The following CHD9 variants were observed in gnomAD, a reference collection of about 807,000 sequenced individuals.
CHD9 encodes the protein ATP-dependent chromatin remodeler CHD9.
A neutral mutation model predicts 316.1 loss-of-function variants in CHD9; 77 were observed. The observed-to-expected ratio is 0.24, with a 90% CI of 0.20 to 0.29. The LOEUF (loss-of-function observed/expected upper bound fraction) is 0.29, where lower values mean the gene tolerates loss of function less well. CHD9 is among the 10% of genes least tolerant of loss of function. CHD9 has a pLI of 1.00. For synonymous variants in CHD9, 1,129 were observed against 1,158.3 expected (o/e 0.97, Z 0.51); for missense variants, 2,763 against 3,438.1 (o/e 0.80, Z 4.91).
intron 30 of CHD9, chr16:53,299,151 G>A (rs1234350691): frequency 2.9e-5 from 5 of 171,992 alleles, no homozygotes; most frequent in South Asian, 1.5e-4. Context: ...GCAGGTATTG[G>A]TATGGCCAAT....
intron 2 of CHD9, among the ~76,000 whole-genome samples, chr16:53,164,627 T>A (rs1005036806): frequency 3.6e-5 from 5 of 137,262 alleles, no homozygotes; most frequent in Non-Finnish European, 8.3e-5. Flanking sequence ...AGTGTTCTGT[T>A]TTTTGTTTTT....
chr16:53,150,681 C>T (rs1396673471), intron 1 of CHD9, among the ~76,000 whole-genome samples: 3 of 152,286 alleles, frequency 2.0e-5, no homozygotes, highest in East Asian at 3.9e-4. Flanking sequence ...ATAACAAACT[C>T]CTTTAGCTTT....
chr16:53,208,555 T>TC (rs2046069789), intron 2 of CHD9: 2 of 1,031,990 alleles, frequency 1.9e-6, no homozygotes, highest in Non-Finnish European at 2.3e-6. Flanking sequence ...TTCTAAACCC[T>TC]CCTTCCTTTC....
At chr16:53,287,722 C>T (rs1345246108) in intron 26 of CHD9, among the ~76,000 whole-genome samples, 2 of 151,946 alleles carry the variant, frequency 1.3e-5, no homozygotes, top group Admixed American at 6.6e-5. Context: ...AGTGAAACTC[C>T]GTCTCAAAAA....
intron 1 of CHD9, among the ~76,000 whole-genome samples, chr16:53,136,066 A>G (rs898384069): frequency 6.6e-6 from 1 of 152,122 alleles, no homozygotes; most frequent in Non-Finnish European, 1.5e-5. Context: ...GAGGCTTCTC[A>G]TTTAATGGTG....
chr16:53,241,923 T>C (rs890851898), intron 12 of CHD9, among the ~76,000 whole-genome samples: 4 of 152,216 alleles, frequency 2.6e-5, no homozygotes, highest in African/African-American at 9.6e-5. Flanking sequence ...AGAGCCAAAA[T>C]CTGTTATCAC....
At position 53,226,529 on chromosome 16, in the gene CHD9, T is replaced by C. The variant is rs762907533; in HGVS notation, c.2043+17T>C. The C allele has an allele frequency of 1.9e-6, 3 of 1,586,510 alleles. No individual in the cohort carries two copies. The highest frequency in any genetic ancestry group is 2.6e-6 in the Non-Finnish European group (3 of 1,173,192). ...TTGTTTGTGGTAAGCATATTTGGGA[T>C]TATGACTGCAAAACATTTTAAACCG... On this transcript the variant is annotated intron_variant, in intron 5 of 38. Coordinates refer to ENST00000447540, the MANE Select transcript of CHD9 (RefSeq NM_001308319.2).
At chr16:53,269,416 A>T (rs1027086241) in intron 22 of CHD9, among the ~76,000 whole-genome samples, 7 of 152,216 alleles carry the variant, frequency 4.6e-5, no homozygotes, top group African/African-American at 1.7e-4. Flanking sequence ...CCCTGAGCTC[A>T]TGAACCTTAC....
At chr16:53,171,863 C>G (rs1386037739) in intron 2 of CHD9, among the ~76,000 whole-genome samples, 30 of 29,192 alleles carry the variant, frequency 1.0e-3, no homozygotes, top group African/African-American at 5.1e-3. Flanking sequence ...CACACACAGA[C>G]ACACACACAC....
intron 2 of CHD9, chr16:53,208,335 G>A (rs1227963111): frequency 8.6e-6 from 11 of 1,281,082 alleles, no homozygotes; most frequent in Non-Finnish European, 1.1e-5. Flanking sequence ...CAGTGAAGAG[G>A]CCAAGAGGAA....
rs138068405 is a variant in CHD9 at position 53,289,958 on chromosome 16, G to A, written c.5248-1767G>A. Reference sequence around the variant, plus strand: ...AAGAGGGAGGTTACTGGGAAAAGCTGCTGACCAAGAGTGCTAAAGAAACTG... The same window carrying A: ...AAGAGGGAGGTTACTGGGAAAAGCTACTGACCAAGAGTGCTAAAGAAACTG... On this transcript the variant is annotated intron_variant, in intron 27 of 38. Coordinates refer to ENST00000447540, the MANE Select transcript of CHD9 (RefSeq NM_001308319.2). 2.4e-4 allele frequency among the ~76,000 whole-genome samples: 37 copies of A among 152,312 alleles called. 2 individuals are homozygous for A. Among genetic ancestry groups the A allele is most frequent in the African/African-American group, 8.9e-4 (37 of 41,572 alleles).
chr16:53,316,398 ATACTC>A (rs1323498026), intron 36 of CHD9, among the ~76,000 whole-genome samples: 1 of 152,188 alleles, frequency 6.6e-6, no homozygotes, highest in African/African-American at 2.4e-5. Context: ...CCTCATACCT[ATACTC>A]TAGACTCTGA....
At chr16:53,234,526 T>C (rs1370661460) in intron 10 of CHD9, among the ~76,000 whole-genome samples, 2 of 150,602 alleles carry the variant, frequency 1.3e-5, no homozygotes, top group Non-Finnish European at 3.0e-5. Context: ...TGATGAGTTT[T>C]AATTAGGAGT....
chr16:53,123,082 C>G (rs951393229), intron 1 of CHD9, among the ~76,000 whole-genome samples: 2 of 151,262 alleles, frequency 1.3e-5, no homozygotes, highest in African/African-American at 2.4e-5. Flanking sequence ...AAGCTGGTCT[C>G]GAACTCACAC....
At position 53,324,982 on chromosome 16, in the gene CHD9, A is replaced by G; in HGVS notation, c.*87A>G. Reference sequence around the variant, plus strand: ...TAAATACCCCAGTGTTGAGTGCATCAATAACTTACTGACCGAACATTTCAG... The same window carrying G: ...TAAATACCCCAGTGTTGAGTGCATCGATAACTTACTGACCGAACATTTCAG... On this transcript the variant is annotated 3_prime_UTR_variant, in exon 39 of 39. Transcript: ENST00000447540. 2 of 1,115,450 alleles carry G rather than the reference A, an allele frequency of 1.8e-6. No homozygotes were observed. The highest frequency in any genetic ancestry group is 2.5e-6 in the Non-Finnish European group (2 of 801,786). The allele number at this position is 1,115,450 out of a possible 1,614,324, so 69.1% of individuals were successfully genotyped here.
chr16:53,210,989 AG>A (rs2046290900), intron 3 of CHD9, among the ~76,000 whole-genome samples: 1 of 152,102 alleles, frequency 6.6e-6, no homozygotes, highest in African/African-American at 2.4e-5. Flanking sequence ...TAGGTATGAA[AG>A]TAACTTATTT....
At chr16:53,101,889 C>T (rs187929912) in intron 1 of CHD9, among the ~76,000 whole-genome samples, 47 of 152,206 alleles carry the variant, frequency 3.1e-4, no homozygotes, top group Admixed American at 9.2e-4. Context: ...ATTTCCATGT[C>T]GTCTCCATCA....
chr16:53,300,029 A>G (rs1301686500), intron 30 of CHD9, among the ~76,000 whole-genome samples: 2 of 152,258 alleles, frequency 1.3e-5, no homozygotes, highest in African/African-American at 4.8e-5. Flanking sequence ...TTGTTAAAAG[A>G]TAATTCAAAT....
intron 2 of CHD9, among the ~76,000 whole-genome samples, chr16:53,190,091 T>C (rs571217668): frequency 1.3e-5 from 2 of 152,272 alleles, no homozygotes; most frequent in South Asian, 2.1e-4. Context: ...CTGGTCCACA[T>C]TGGTCCCCAA....
Sources: gnomAD v4.1 joint callset for allele counts (sites outside exome capture counted in the v4.1 genomes callset) on GRCh38, gnomAD v4.1.1 for gene constraint, MANE v1.5 for transcripts, NCBI Gene and HGNC (gene_info 2026-07-23, HGNC 2026-07-21) for gene names.